PPP2R2A: variants seen among roughly 807,000 people sequenced by gnomAD.
PPP2R2A encodes the protein serine/threonine-protein phosphatase 2A 55 kDa regulatory subunit B alpha isoform.
In PPP2R2A, 9 loss-of-function variants were observed where a neutral mutation model predicts 53.2. The ratio of observed to expected loss-of-function variants is 0.17; its 90% CI spans 0.10 to 0.30. The LOEUF is 0.30. Among genes scored for constraint, PPP2R2A ranks in the 10% least tolerant of loss-of-function variants. The pLI is 1.00. For synonymous variants in PPP2R2A, 169 were observed against 174.2 expected, an observed-to-expected ratio of 0.97 and a Z score of 0.23; for missense variants, 235 against 534.6, an observed-to-expected ratio of 0.44 and a Z score of 5.53.
chr8:26,361,830 G>A (rs796070316), intron 6 of PPP2R2A, among the ~76,000 whole-genome samples: 28 of 151,592 alleles, frequency 1.8e-4, no homozygotes, highest in African/African-American at 6.0e-4. Context: ...GCATGGTGGC[G>A]CATGCCTGTA....
At chr8:26,358,787 T>TA (rs1232599556) in intron 4 of PPP2R2A, 25 of 355,842 alleles carry the variant, frequency 7.0e-5, no homozygotes, top group African/African-American at 5.2e-4. Context: ...CCTATAGTGA[T>TA]ACAAATAAAC....
chr8:26,314,305 C>T (rs1802434669), intron 2 of PPP2R2A, among the ~76,000 whole-genome samples: 1 of 152,180 alleles, frequency 6.6e-6, no homozygotes, highest in Non-Finnish European at 1.5e-5. Flanking sequence ...TAAGCTCTAT[C>T]CCTCCAACCC....
At chr8:26,341,381 T>C (rs138199447) in intron 3 of PPP2R2A, among the ~76,000 whole-genome samples, 1 of 152,296 alleles carries the variant, frequency 6.6e-6, no homozygotes, top group East Asian at 1.9e-4. Flanking sequence ...CCTAATGTAA[T>C]TGGATGAGAT....
At chr8:26,301,837 A>G (rs1248703305) in intron 2 of PPP2R2A, among the ~76,000 whole-genome samples, 1 of 152,224 alleles carries the variant, frequency 6.6e-6, no homozygotes, top group Non-Finnish European at 1.5e-5. Context: ...ACTTTGCAGC[A>G]GTGCTGCAGA....
At chr8:26,325,278 A>G (rs1277014985) in intron 2 of PPP2R2A, among the ~76,000 whole-genome samples, 1 of 151,890 alleles carries the variant, frequency 6.6e-6, no homozygotes, top group Non-Finnish European at 1.5e-5. Context: ...TTGCTGTGCT[A>G]TTCTCGTGAT....
intron 2 of PPP2R2A, among the ~76,000 whole-genome samples, chr8:26,300,621 G>A (rs1232832174): frequency 1.3e-5 from 2 of 152,118 alleles, no homozygotes; most frequent in African/African-American, 2.4e-5. Context: ...TTTGGGAGAC[G>A]GAGGCAGGCA....
At chr8:26,299,276 A>T (rs915425526) in intron 2 of PPP2R2A, among the ~76,000 whole-genome samples, 1 of 151,898 alleles carries the variant, frequency 6.6e-6, no homozygotes, top group Non-Finnish European at 1.5e-5. Flanking sequence ...AAAAAAAAGG[A>T]ACAACTTAAC....
chr8:26,301,285 T>C (rs568855352), intron 2 of PPP2R2A, among the ~76,000 whole-genome samples: 4 of 152,250 alleles, frequency 2.6e-5, no homozygotes, highest in East Asian at 1.9e-4. Context: ...ATTTGGAGAT[T>C]TGTTGAATTT....
intron 2 of PPP2R2A, among the ~76,000 whole-genome samples, chr8:26,322,343 G>A (rs1217421433): frequency 6.6e-6 from 1 of 152,288 alleles, no homozygotes; most frequent in African/African-American, 2.4e-5. Context: ...CATTGTGCAC[G>A]TTTCAGGTGC....
chr8:26,311,433 G>C (rs1802287049), intron 2 of PPP2R2A, among the ~76,000 whole-genome samples: 1 of 152,194 alleles, frequency 6.6e-6, no homozygotes, highest in South Asian at 2.1e-4. Context: ...ACTAGGGAGA[G>C]ATTAGTTTCC....
chr8:26,366,467 T>G (rs1805381007), intron 9 of PPP2R2A, 61 bp downstream of exon 9: 7 of 1,312,340 alleles, frequency 5.3e-6, no homozygotes, highest in Non-Finnish European at 7.4e-6. Flanking sequence ...ACTATTTCAT[T>G]CCAGGTCCTA....
At chr8:26,327,174 T>C (rs1803132811) in intron 2 of PPP2R2A, among the ~76,000 whole-genome samples, 1 of 152,172 alleles carries the variant, frequency 6.6e-6, no homozygotes, top group Admixed American at 6.5e-5. Context: ...AGCAGCTCCA[T>C]CTTCTCTTTA....
chr8:26,292,051 G>T, intron 1 of PPP2R2A: 1 of 1,244,978 alleles, frequency 8.0e-7, no homozygotes, highest in Non-Finnish European at 1.0e-6. Flanking sequence ...CGCCGTGGCG[G>T]GGGTGGGGGT....
At position 26,360,767 on chromosome 8, in the gene PPP2R2A, C is replaced by A. The variant is rs1007105654; in HGVS notation, c.460-207C>A. On this transcript the variant is annotated intron_variant, in intron 5 of 9. Transcript: ENST00000380737. The surrounding 1 kb of genome is among the most constrained non-coding windows in gnomAD (Gnocchi z 4.5). ...CTGCAAATTCTAATAGTATTGCAAC[C>A]AGTAAAAGAAGATATATTATCCACA... The A allele has an allele frequency of 2.0e-6, 1 of 491,820 alleles. No homozygotes were observed. The highest frequency in any genetic ancestry group is 3.5e-6 in the Non-Finnish European group (1 of 287,222). 30.5% of individuals were successfully genotyped at this position (491,820 alleles called of 1,614,324 possible). A position where few individuals can be genotyped will look rare whatever the true frequency, so the allele number is the denominator to read the frequency against.
intron 6 of PPP2R2A, among the ~76,000 whole-genome samples, chr8:26,361,942 C>A (rs1805108408): frequency 6.7e-6 from 1 of 150,368 alleles, no homozygotes; most frequent in African/African-American, 2.4e-5. Flanking sequence ...GCCTGGGCAA[C>A]AAGAGTGAAA....
At chr8:26,314,589 T>C (rs1802448368) in intron 2 of PPP2R2A, among the ~76,000 whole-genome samples, 1 of 152,232 alleles carries the variant, frequency 6.6e-6, no homozygotes, top group Non-Finnish European at 1.5e-5. Context: ...TTTATTCTAC[T>C]TCCACACTTT....
At chr8:26,320,095 G>A (rs1017386137) in intron 2 of PPP2R2A, among the ~76,000 whole-genome samples, 1 of 152,138 alleles carries the variant, frequency 6.6e-6, no homozygotes. Flanking sequence ...CACCTCACCT[G>A]GAAATCTGGT....
chr8:26,291,811 C>T lies in PPP2R2A; in HGVS notation c.-9C>T, dbSNP rs1450747161. The T allele has an allele frequency of 1.9e-6, 3 of 1,605,832 alleles. No individual in the cohort carries two copies. Among genetic ancestry groups the T allele is most frequent in the East Asian group, 2.3e-5 (1 of 43,738 alleles). ...AGGAACCCAGCAGGGTCACCATTTGCAGCGCAACATGGCAGGTAAAGGAGA... is the reference window on the plus strand; with the variant it reads ...AGGAACCCAGCAGGGTCACCATTTGTAGCGCAACATGGCAGGTAAAGGAGA... On this transcript the variant is annotated 5_prime_UTR_variant, in exon 1 of 10. Transcript: ENST00000380737.
At chr8:26,355,306 G>A (rs1025144913) in intron 4 of PPP2R2A, among the ~76,000 whole-genome samples, 1 of 152,176 alleles carries the variant, frequency 6.6e-6, no homozygotes, top group Non-Finnish European at 1.5e-5. Context: ...CGCCCAGGCT[G>A]AAGTGCATTG....
Sources: allele counts gnomAD v4.1 joint callset (sites outside exome capture counted in the v4.1 genomes callset), GRCh38; gene constraint gnomAD v4.1.1; non-coding constraint Gnocchi (gnomAD v3.1); transcripts MANE v1.5; gene names NCBI Gene and HGNC (gene_info 2026-07-23, HGNC 2026-07-21).